CAMKMT: variants seen among roughly 807,000 people sequenced by gnomAD.
CAMKMT encodes the protein calmodulin-lysine N-methyltransferase, also known as CaM KMT.
CAMKMT carries 53 observed loss-of-function variants against 48.0 expected under a neutral mutation model. That is an observed-to-expected ratio of 1.10 (90% CI 0.89 to 1.39). The LOEUF (loss-of-function observed/expected upper bound fraction) is 1.39. Among genes scored for constraint, CAMKMT ranks in the 40% most tolerant of loss-of-function variants. The pLI, the probability that CAMKMT is intolerant of heterozygous loss-of-function variation, is 0.00. For missense variants in CAMKMT, 428 were observed against 402.7 expected, an observed-to-expected ratio of 1.06 and a Z score of -0.54; for synonymous variants, 165 against 152.3, an observed-to-expected ratio of 1.08 and a Z score of -0.61.
intron 3 of CAMKMT, among the ~76,000 whole-genome samples, chr2:44,460,977 G>C (rs1365345602): frequency 6.6e-6 from 1 of 152,030 alleles, no homozygotes; most frequent in Non-Finnish European, 1.5e-5. Context: ...ACCCGCCTCA[G>C]CCTCCCAAAG....
chr2:44,682,619 T>C (rs1676086511), intron 3 of CAMKMT, among the ~76,000 whole-genome samples: 1 of 152,196 alleles, frequency 6.6e-6, no homozygotes, highest in South Asian at 2.1e-4. Flanking sequence ...GATGATGAGA[T>C]TCCCCCTATC....
intron 3 of CAMKMT, among the ~76,000 whole-genome samples, chr2:44,632,506 T>A (rs765567014): frequency 1.3e-5 from 2 of 152,234 alleles, no homozygotes; most frequent in Non-Finnish European, 2.9e-5. Context: ...GATTAACATG[T>A]CTATAATTTC....
chr2:44,456,697 T>C, intron 3 of CAMKMT: 1 of 1,229,036 alleles, frequency 8.1e-7, no homozygotes, highest in Non-Finnish European at 1.1e-6. Flanking sequence ...ATCCTACCTC[T>C]GCTTGTCTTC....
At chr2:44,682,433 A>T (rs1676076284) in intron 3 of CAMKMT, among the ~76,000 whole-genome samples, 1 of 152,234 alleles carries the variant, frequency 6.6e-6, no homozygotes, top group Non-Finnish European at 1.5e-5. Flanking sequence ...TAAACCCAAT[A>T]GAAGAGGTGT....
At chr2:44,551,526 T>G (rs909768784) in intron 3 of CAMKMT, among the ~76,000 whole-genome samples, 1 of 152,182 alleles carries the variant, frequency 6.6e-6, no homozygotes, top group African/African-American at 2.4e-5. Context: ...ATGATCTGTA[T>G]TTAACATTTG....
rs201677102 is a variant in CAMKMT, at chr2:44,707,399, G to C, written c.493G>C (p.Val165Leu). Reference sequence around the variant, plus strand: ...TGCTGTGCTCCCTTTTTTTTTTCAGGTTGCTATTTCTGCAGATGTCAAAGA... The same window carrying C: ...TGCTGTGCTCCCTTTTTTTTTTCAGCTTGCTATTTCTGCAGATGTCAAAGA... ...GGMTCLAGLM[V>L]AISADVKEVL... Residue 165 changes from valine (V) to leucine (L), a missense_variant and splice_region_variant, in exon 6 of 11, where the codon GTT (valine) becomes CTT (leucine). Val to Leu is a conservative substitution (Grantham distance 32). Transcript: ENST00000378494. 6.2e-7 allele frequency: 1 copy of C among 1,608,614 alleles called. No individual in the cohort carries two copies. Among genetic ancestry groups the C allele is most frequent in the East Asian group, 2.2e-5 (1 of 44,756 alleles).
At chr2:44,654,237 T>G (rs1364827602) in intron 3 of CAMKMT, among the ~76,000 whole-genome samples, 1 of 152,194 alleles carries the variant, frequency 6.6e-6, no homozygotes, top group Non-Finnish European at 1.5e-5. Context: ...GGGAATGTAA[T>G]TCTATGTAAT....
chr2:44,732,334 T>G (rs566456711), intron 7 of CAMKMT, among the ~76,000 whole-genome samples: 1 of 152,352 alleles, frequency 6.6e-6, no homozygotes, highest in African/African-American at 2.4e-5. Context: ...TATTTTACTT[T>G]GTAATGAATT....
At chr2:44,489,117 G>T (rs1488972393) in intron 3 of CAMKMT, among the ~76,000 whole-genome samples, 5 of 151,994 alleles carry the variant, frequency 3.3e-5, no homozygotes, top group African/African-American at 7.2e-5. Context: ...TCCTCCTCCT[G>T]CCTCAGCCTC....
At chr2:44,468,402 G>A (rs1013779350) in intron 3 of CAMKMT, among the ~76,000 whole-genome samples, 1 of 152,190 alleles carries the variant, frequency 6.6e-6, no homozygotes, top group African/African-American at 2.4e-5. Flanking sequence ...CTGCTGGTGG[G>A]AATGTAGATT....
At chr2:44,606,899 C>G (rs1185814373) in intron 3 of CAMKMT, among the ~76,000 whole-genome samples, 1 of 151,916 alleles carries the variant, frequency 6.6e-6, no homozygotes, top group Non-Finnish European at 1.5e-5. Flanking sequence ...CAGTGATTCC[C>G]TACCCGCCCT....
At chr2:44,410,110 G>A (rs527753792) in intron 3 of CAMKMT, among the ~76,000 whole-genome samples, 1 of 149,896 alleles carries the variant, frequency 6.7e-6, no homozygotes, top group Admixed American at 6.7e-5. Context: ...GTATGAAACT[G>A]GTAGGGGGTA....
At chr2:44,683,840 A>G (rs1200783042) in intron 3 of CAMKMT, among the ~76,000 whole-genome samples, 3 of 149,158 alleles carry the variant, frequency 2.0e-5, no homozygotes, top group Non-Finnish European at 1.5e-5. Flanking sequence ...AAAAAAAAAA[A>G]AAAGAAAAAG....
At chr2:44,428,699 A>C (rs549174473) in intron 3 of CAMKMT, among the ~76,000 whole-genome samples, 2 of 152,176 alleles carry the variant, frequency 1.3e-5, no homozygotes, top group Non-Finnish European at 2.9e-5. Context: ...GTATGTCTGT[A>C]TGTATGTATA....
chr2:44,539,498 G>A (rs1360876184), intron 3 of CAMKMT, among the ~76,000 whole-genome samples: 1 of 152,098 alleles, frequency 6.6e-6, no homozygotes, highest in Non-Finnish European at 1.5e-5. Flanking sequence ...GAAATTTGAT[G>A]TTGGTGCAAA....
chr2:44,651,450 G>A (rs969806498), intron 3 of CAMKMT, among the ~76,000 whole-genome samples: 2 of 152,192 alleles, frequency 1.3e-5, no homozygotes, highest in East Asian at 1.9e-4. Flanking sequence ...TTGCTAGGCC[G>A]AGGCGGGTGG....
chr2:44,412,737 G>A (rs1683294946), intron 3 of CAMKMT, among the ~76,000 whole-genome samples: 1 of 151,926 alleles, frequency 6.6e-6, no homozygotes, highest in South Asian at 2.1e-4. Context: ...TAAGCAATAG[G>A]AAACATCCTC....
At chr2:44,507,739 T>A (rs1670333374) in intron 3 of CAMKMT, among the ~76,000 whole-genome samples, 1 of 152,180 alleles carries the variant, frequency 6.6e-6, no homozygotes, top group Non-Finnish European at 1.5e-5. Context: ...AGAGTAGTGC[T>A]ACTCAAAGCA....
chr2:44,760,766 A>G, intron 9 of CAMKMT, among the ~76,000 whole-genome samples: 1 of 152,212 alleles, frequency 6.6e-6, no homozygotes, highest in East Asian at 1.9e-4. Flanking sequence ...CATAGCATAA[A>G]GGGTAGATTG....
Sources: gnomAD v4.1 joint callset for allele counts (sites outside exome capture counted in the v4.1 genomes callset) on GRCh38, gnomAD v4.1.1 for gene constraint, MANE v1.5 for transcripts, NCBI Gene and HGNC (gene_info 2026-07-23, HGNC 2026-07-21) for gene names.